VKORC1L1: variants seen among roughly 807,000 people sequenced by gnomAD.
VKORC1L1 encodes vitamin K epoxide reductase complex subunit 1-like protein 1.
A neutral mutation model predicts 18.9 loss-of-function variants in VKORC1L1; 2 were observed. The observed-to-expected ratio is 0.11, with a 90% CI of 0.04 to 0.33. The LOEUF is 0.33. VKORC1L1 is among the 10% of genes least tolerant of loss of function. The probability of loss-of-function intolerance (pLI) is 1.00; values close to 1 mark genes in which losing one functional copy is unlikely to be tolerated. For missense variants in VKORC1L1, 123 were observed against 224.1 expected (o/e 0.55, Z 2.88); for synonymous variants, 96 against 100.0 (o/e 0.96, Z 0.24).
intron 1 of VKORC1L1, among the ~76,000 whole-genome samples, chr7:65,913,488 G>A (rs1789535776): frequency 6.6e-6 from 1 of 152,028 alleles, no homozygotes; most frequent in South Asian, 2.1e-4. Flanking sequence ...TACTTTGGGA[G>A]GTCGAGGCAG....
intron 1 of VKORC1L1, among the ~76,000 whole-genome samples, chr7:65,919,162 A>G (rs1789634974): frequency 6.6e-6 from 1 of 152,320 alleles, no homozygotes; most frequent in African/African-American, 2.4e-5. Context: ...AGAGAAGCTC[A>G]GGTCCCCATA....
At chr7:65,909,224 T>C (rs907614578) in intron 1 of VKORC1L1, among the ~76,000 whole-genome samples, 2 of 148,282 alleles carry the variant, frequency 1.3e-5, no homozygotes, top group African/African-American at 2.5e-5. Flanking sequence ...CCTCAAGCGA[T>C]CCACCCACCT....
At chr7:65,936,286 T>A (rs1327846342) in intron 1 of VKORC1L1, among the ~76,000 whole-genome samples, 1 of 152,230 alleles carries the variant, frequency 6.6e-6, no homozygotes, top group East Asian at 1.9e-4. Flanking sequence ...AGGGTTGACA[T>A]CTGTTCATCA....
At chr7:65,879,629 A>G (rs1197835788) in intron 1 of VKORC1L1, among the ~76,000 whole-genome samples, 2 of 132,690 alleles carry the variant, frequency 1.5e-5, no homozygotes, top group East Asian at 4.8e-4. Flanking sequence ...CAAGAGTCCA[A>G]GCTCTTTACC....
At chr7:65,920,111 G>A (rs970925196) in intron 1 of VKORC1L1, among the ~76,000 whole-genome samples, 2 of 151,974 alleles carry the variant, frequency 1.3e-5, no homozygotes, top group Non-Finnish European at 2.9e-5. Flanking sequence ...CACCCGCCGG[G>A]CATGCATGAC....
At chr7:65,889,080 A>G (rs922326506) in intron 1 of VKORC1L1, among the ~76,000 whole-genome samples, 1 of 139,460 alleles carries the variant, frequency 7.2e-6, no homozygotes, top group African/African-American at 2.7e-5. Context: ...TCCTCCTACC[A>G]CTCTCAATTT....
intron 1 of VKORC1L1, among the ~76,000 whole-genome samples, chr7:65,890,151 G>A (rs1480638878): frequency 8.2e-6 from 1 of 121,772 alleles, no homozygotes; most frequent in Admixed American, 9.5e-5. Context: ...TTTTTTTTGA[G>A]ACAGAGTCTC....
chr7:65,876,362 C>T (rs572810458), intron 1 of VKORC1L1, among the ~76,000 whole-genome samples: 5 of 151,940 alleles, frequency 3.3e-5, no homozygotes, highest in Non-Finnish European at 5.9e-5. Context: ...ACAAGCTGGG[C>T]GTGGTAGCAT....
At chr7:65,890,001 G>A (rs372798087) in intron 1 of VKORC1L1, among the ~76,000 whole-genome samples, 4 of 151,824 alleles carry the variant, frequency 2.6e-5, no homozygotes, top group Non-Finnish European at 5.9e-5. Context: ...CTTGTCACCC[G>A]GGCTGGAGTA....
chr7:65,909,245 A>G (rs981821375), intron 1 of VKORC1L1, among the ~76,000 whole-genome samples: 7 of 150,990 alleles, frequency 4.6e-5, no homozygotes, highest in Non-Finnish European at 7.4e-5. Context: ...CGGCCTCCCA[A>G]ATTGCTGGGA....
At chr7:65,866,805 C>T in the VKORC1L1 span, among the ~76,000 whole-genome samples, 4 of 151,730 alleles carry the variant, frequency 2.6e-5, no homozygotes, top group East Asian at 5.8e-4. Flanking sequence ...CACAGCTACT[C>T]GGGAGGCTGA....
At position 65,886,607 on chromosome 7, in the gene VKORC1L1, G is replaced by A. The variant is rs1041006728; in HGVS notation, c.194+13042G>A. On this transcript the variant is annotated intron_variant, in intron 1 of 2. Coordinates refer to ENST00000360768, the MANE Select transcript of VKORC1L1 (RefSeq NM_173517.6). ...GGCTGGAGTGCAGTGGTGCAATCTCGGCTCACTGCAACCTCCGCCTCCCGA... is the reference window on the plus strand; with the variant it reads ...GGCTGGAGTGCAGTGGTGCAATCTCAGCTCACTGCAACCTCCGCCTCCCGA... Among the ~76,000 whole-genome samples the A allele has an allele frequency of 5.9e-5, 9 of 151,770 alleles. No individual in the cohort carries two copies. The South Asian group carries it at 1.0e-3, about 18-fold the overall frequency.
chr7:65,867,372 G>A, the VKORC1L1 span, among the ~76,000 whole-genome samples: 6 of 152,106 alleles, frequency 3.9e-5, no homozygotes, highest in Admixed American at 1.3e-4. Context: ...TAAGAGATTC[G>A]AAAAGCTAGA....
At chr7:65,870,437 AAAAAT>A (rs1788712914), upstream of VKORC1L1, among the ~76,000 whole-genome samples, 1 of 151,476 alleles carries the variant, frequency 6.6e-6, no homozygotes, top group Non-Finnish European at 1.5e-5. Flanking sequence ...TCTCAAATTT[AAAAAT>A]AAAAATAAAA....
chr7:65,891,954 C>G (rs1383057592), intron 1 of VKORC1L1, among the ~76,000 whole-genome samples: 1 of 152,074 alleles, frequency 6.6e-6, no homozygotes, highest in East Asian at 1.9e-4. Context: ...TCTTTATTTC[C>G]CACTTCCCTT....
At chr7:65,945,129 C>T (rs530868480) in intron 1 of VKORC1L1, among the ~76,000 whole-genome samples, 2 of 151,110 alleles carry the variant, frequency 1.3e-5, no homozygotes, top group East Asian at 2.0e-4. Context: ...GGCGTGGTGG[C>T]GGGTGCTAGT....
At chr7:65,946,987 A>C (rs1790129170) in intron 1 of VKORC1L1, among the ~76,000 whole-genome samples, 1 of 148,854 alleles carries the variant, frequency 6.7e-6, no homozygotes, top group Non-Finnish European at 1.5e-5. Flanking sequence ...ATACCAAAAA[A>C]AAAATATATA....
At chr7:65,887,529 A>G (rs977754775) in intron 1 of VKORC1L1, among the ~76,000 whole-genome samples, 11 of 151,656 alleles carry the variant, frequency 7.3e-5, no homozygotes, top group Admixed American at 1.3e-4. Context: ...TAGATAATAA[A>G]CTTAAGCCTC....
intron 1 of VKORC1L1, among the ~76,000 whole-genome samples, chr7:65,909,280 G>T (rs1049990526): frequency 1.3e-4 from 20 of 151,124 alleles, no homozygotes; most frequent in Admixed American, 1.3e-3. Context: ...CCGTGCCCGG[G>T]CACAGCATCA....
Sources: allele counts gnomAD v4.1 joint callset (sites outside exome capture counted in the v4.1 genomes callset), GRCh38; gene constraint gnomAD v4.1.1; transcripts MANE v1.5; gene names NCBI Gene and HGNC (gene_info 2026-07-23, HGNC 2026-07-21).